CST9L: variants seen among roughly 807,000 people sequenced by gnomAD.
The protein encoded by CST9L is cystatin-9-like.
In CST9L, 17 loss-of-function variants were observed where a neutral mutation model predicts 13.2. The observed-to-expected ratio is 1.29, with a 90% CI of 0.88 to 1.93. The LOEUF is 1.93. Among genes scored for constraint, CST9L ranks in the 30% most tolerant of loss-of-function variants. The probability of loss-of-function intolerance (pLI) is 0.00; values close to 1 mark genes in which losing one functional copy is unlikely to be tolerated. For synonymous variants in CST9L, 78 were observed against 69.1 expected (o/e 1.13, Z -0.64); for missense variants, 170 against 170.5 (o/e 1.00, Z 0.02).
chr20:23,565,972 A>C lies in CST9L; in HGVS notation c.354+2T>G. On this transcript the variant is annotated splice_donor_variant, in intron 2 of 2. Coordinates refer to ENST00000376979, the MANE Select transcript of CST9L (RefSeq NM_080610.3). LOFTEE classifies it high-confidence loss of function. ...AGGAGGGAAGCTGGTGTCCTGTCTT[A>C]CATTGTTCAGCTCTGTGCTTTCTTG... 1 of 1,527,018 alleles carries C rather than the reference A, an allele frequency of 6.5e-7. No individual in the cohort carries two copies. Among genetic ancestry groups the C allele is most frequent in the Non-Finnish European group, 9.1e-7 (1 of 1,100,372 alleles). The allele number at this position is 1,527,018 out of a possible 1,614,324, so 94.6% of individuals were successfully genotyped here.
chr20:23,566,256 A>T (rs1989094746), intron 1 of CST9L, among the ~76,000 whole-genome samples, 169 bp from the exon 2 acceptor site: 1 of 152,226 alleles, frequency 6.6e-6, no homozygotes, highest in Non-Finnish European at 1.5e-5. Flanking sequence ...AGTTAAGAAC[A>T]AAAAGCGGAT....
rs549489094 is a variant in CST9L at position 23,568,397 on chromosome 20, G to A, written c.54C>T (p.Leu18=). 9 of 1,614,184 alleles carry A rather than the reference G, an allele frequency of 5.6e-6. No homozygotes were observed. Among genetic ancestry groups the A allele is most frequent in the South Asian group, 2.2e-5 (2 of 91,070 alleles). Reference sequence around the variant, plus strand: ...AGATCAGCAGGATCTGGGAGCCTAAGAGAAGCAGCAGCAGCGCCCAGGACA... The same window carrying A: ...AGATCAGCAGGATCTGGGAGCCTAAAAGAAGCAGCAGCAGCGCCCAGGACA... The part of the protein sequence containing the change: ...GGLSWALLLL[L]LGSQILLIYA... The change falls in exon 1 of 3, where the codon CTC becomes CTT. Residue 18 remains leucine, a synonymous_variant. Coordinates refer to ENST00000376979, the MANE Select transcript of CST9L (RefSeq NM_080610.3).
chr20:23,566,717 C>T (rs1426681887), intron 1 of CST9L, among the ~76,000 whole-genome samples: 2 of 151,920 alleles, frequency 1.3e-5, no homozygotes, highest in African/African-American at 4.8e-5. Flanking sequence ...AAACCCATCT[C>T]TACTAAAAAT....
At position 23,566,777 on chromosome 20, in the gene CST9L, G is replaced by A. The variant is rs148858668; in HGVS notation, c.241-690C>T. Among the ~76,000 whole-genome samples, 1,501 of 152,134 alleles carry A rather than the reference G, an allele frequency of 9.9e-3. 29 individuals are homozygous for A. The highest frequency in any genetic ancestry group is 0.035 in the African/African-American group (1,444 of 41,500). On this transcript the variant is annotated intron_variant, in intron 1 of 2. Coordinates refer to ENST00000376979, the MANE Select transcript of CST9L (RefSeq NM_080610.3). ...CAGGTGCTTGTAATCCCAGCTACTC[G>A]GGAGGGAGGCTGAGGCAGGAGAATT...
At position 23,568,266 on chromosome 20, in the gene CST9L, C is replaced by A. The variant is rs61743019; in HGVS notation, c.185G>T (p.Ser62Ile). ...EFAVHTFNQQ[S>I]KDYYAYRLGH... ...CAGTCTGTAGGCATAGTAGTCCTTGCTCTGTTGGTTGAATGTGTGGACAGC... is the reference window on the plus strand; with the variant it reads ...CAGTCTGTAGGCATAGTAGTCCTTGATCTGTTGGTTGAATGTGTGGACAGC... The change falls in exon 1 of 3, where the codon AGC becomes ATC. Residue 62 changes from serine to isoleucine, a missense_variant. Physicochemically the swap from Ser to Ile is moderately radical, Grantham distance 142. Coordinates refer to ENST00000376979, the MANE Select transcript of CST9L (RefSeq NM_080610.3). 2.9e-4 allele frequency: 463 copies of A among 1,614,168 alleles called. 3 individuals carry two copies. The African/African-American group carries it at 5.1e-3, about 18-fold the overall frequency.
chr20:23,566,042 T>G lies in CST9L; in HGVS notation c.286A>C (p.Thr96Pro), dbSNP rs773601205. The G allele has an allele frequency of 6.2e-7, 1 of 1,611,306 alleles. No homozygotes were observed. Among genetic ancestry groups the G allele is most frequent in the Non-Finnish European group, 8.5e-7 (1 of 1,177,424 alleles). ...VFSMELLLGR[T>P]RCGKFEDDID... ...TCGTCTTCAAATTTCCCACACCTAGTTCTCCCCAGCAGTAGCTCCATTGAG... is the reference window on the plus strand; with the variant it reads ...TCGTCTTCAAATTTCCCACACCTAGGTCTCCCCAGCAGTAGCTCCATTGAG... The change falls in exon 2 of 3, where the codon ACT (threonine) becomes CCT (proline). Residue 96 changes from threonine to proline, a missense_variant. By Grantham distance (38) the Thr-to-Pro change is conservative (BLOSUM62 -1). Transcript: ENST00000376979.
Position 23,568,250 on chromosome 20 carries a change from G to A in CST9L, c.201C>T (p.Ala67=), listed in dbSNP as rs774642821. 3 of 1,614,022 alleles carry A rather than the reference G, an allele frequency of 1.9e-6. No homozygotes were observed. The African/African-American group carries it at 4.0e-5, about 22-fold the overall frequency. ...TFNQQSKDYY[A]YRLGHILNSW... ...AATTCAAGATGTGCCCCAGTCTGTAGGCATAGTAGTCCTTGCTCTGTTGGT... is the reference window on the plus strand; with the variant it reads ...AATTCAAGATGTGCCCCAGTCTGTAAGCATAGTAGTCCTTGCTCTGTTGGT... Residue 67 remains alanine, a synonymous_variant, in exon 1 of 3, where the codon GCC becomes GCT. Coordinates refer to ENST00000376979, the MANE Select transcript of CST9L (RefSeq NM_080610.3).
chr20:23,565,879 C>G, intron 2 of CST9L, 95 bp downstream of exon 2: 1 of 797,918 alleles, frequency 1.3e-6, no homozygotes, highest in Non-Finnish European at 2.3e-6. Context: ...AGGCTCACTC[C>G]TCTAAGTCTC....
chr20:23,565,147 C>G, intron 2 of CST9L, 110 bp from the exon 3 acceptor site: 3 of 798,202 alleles, frequency 3.8e-6, no homozygotes, highest in Non-Finnish European at 6.6e-6. Context: ...CCAGGTCAAG[C>G]AGTGGGAAGA....
chr20:23,567,648 T>C (rs185439603), intron 1 of CST9L, among the ~76,000 whole-genome samples: 5 of 152,202 alleles, frequency 3.3e-5, no homozygotes, highest in Admixed American at 2.6e-4. Context: ...AGACCTGTGG[T>C]CTGAGGAAGA....
rs1249601083 is a variant in CST9L at position 23,564,938 on chromosome 20, T to G, written c.*10A>C. The G allele has an allele frequency of 6.3e-7, 1 of 1,592,764 alleles. No individual in the cohort carries two copies. Among genetic ancestry groups the G allele is most frequent in the Non-Finnish European group, 8.6e-7 (1 of 1,160,486 alleles). On this transcript the variant is annotated 3_prime_UTR_variant, in exon 3 of 3. Transcript: ENST00000376979. ...AGCAGCACATGGACAAGCCTGTGAG[T>G]GGGTTTCACTCAGTGGAATCCCTCC...
intron 2 of CST9L, 32 bp downstream of exon 2, chr20:23,565,942 T>A (rs1989087142): frequency 8.5e-7 from 1 of 1,175,000 alleles, no homozygotes. Flanking sequence ...TCCACAGCTG[T>A]ATCCAGGAGG....
In CST9L at chr20:23,568,251, G is replaced by C; in HGVS notation, c.200C>G (p.Ala67Gly). The C allele has an allele frequency of 5.6e-6, 9 of 1,614,098 alleles. No individual in the cohort carries two copies. The highest frequency in any genetic ancestry group is 7.6e-6 in the Non-Finnish European group (9 of 1,180,000). Residue 67 changes from alanine (A) to glycine (G), a missense_variant, in exon 1 of 3, where the codon GCC (alanine) becomes GGC (glycine). Physicochemically the swap from Ala to Gly is moderately conservative, Grantham distance 60. Coordinates refer to ENST00000376979, the MANE Select transcript of CST9L (RefSeq NM_080610.3). ...TFNQQSKDYYAYRLGHILNSW... is the reference protein window; with the variant it reads ...TFNQQSKDYYGYRLGHILNSW... ...ATTCAAGATGTGCCCCAGTCTGTAGGCATAGTAGTCCTTGCTCTGTTGGTT... is the reference window on the plus strand; with the variant it reads ...ATTCAAGATGTGCCCCAGTCTGTAGCCATAGTAGTCCTTGCTCTGTTGGTT...
chr20:23,564,963 C>A lies in CST9L; in HGVS notation c.429G>T (p.Leu143Phe). The A allele has an allele frequency of 6.2e-7, 1 of 1,613,024 alleles. No individual in the cohort carries two copies. The highest frequency in any genetic ancestry group is 8.5e-7 in the Non-Finnish European group (1 of 1,179,000). Reference sequence around the variant, plus strand: ...TGGGTTTCACTCAGTGGAATCCCTCCAAGCAGGTCTTGTTCAGGAGGCTGA... The same window carrying A: ...TGGGTTTCACTCAGTGGAATCCCTCAAAGCAGGTCTTGTTCAGGAGGCTGA... The part of the protein sequence containing the change: ...TQFSLLNKTC[L>F]EGFH Residue 143 changes from leucine to phenylalanine, a missense_variant, in exon 3 of 3, where the codon TTG becomes TTT. Coordinates refer to ENST00000376979, the MANE Select transcript of CST9L (RefSeq NM_080610.3).
At chr20:23,565,805 A>G (rs1309266523) in intron 2 of CST9L, among the ~76,000 whole-genome samples, 169 bp downstream of exon 2, 1 of 152,192 alleles carries the variant, frequency 6.6e-6, no homozygotes, top group Non-Finnish European at 1.5e-5. Context: ...GTGGACCCCT[A>G]GCTGCCTGCC....
In CST9L at chr20:23,564,814, A is replaced by G. The variant is rs1410732997; in HGVS notation, c.*134T>C. 1.1e-5 allele frequency: 8 copies of G among 701,728 alleles called. No homozygotes were observed. The highest frequency in any genetic ancestry group is 1.8e-5 in the Non-Finnish European group (7 of 382,214). 43.5% of individuals were successfully genotyped at this position (701,728 alleles called of 1,614,324 possible). A position where few individuals can be genotyped will look rare whatever the true frequency, so the allele number is the denominator to read the frequency against. On this transcript the variant is annotated 3_prime_UTR_variant, in exon 3 of 3. Transcript: ENST00000376979. ...GGATTTTCTAAAACACTGATCTGAGATCTCAAACACATGCAAAATAGGATA... is the reference window on the plus strand; with the variant it reads ...GGATTTTCTAAAACACTGATCTGAGGTCTCAAACACATGCAAAATAGGATA...
At position 23,567,205 on chromosome 20, in the gene CST9L, A is replaced by G. The variant is rs1243340291; in HGVS notation, c.240+1006T>C. 2.0e-5 allele frequency among the ~76,000 whole-genome samples: 3 copies of G among 152,112 alleles called. No homozygotes were observed. The East Asian group carries it at 5.9e-4, about 30-fold the overall frequency. ...GTAGGAAGAGCATTTTTGCCTCTCT[A>G]CCCAACTAGAAGTCCTCAACTTAGC... On this transcript the variant is annotated intron_variant, in intron 1 of 2. Coordinates refer to ENST00000376979, the MANE Select transcript of CST9L (RefSeq NM_080610.3).
At position 23,568,395 on chromosome 20, in the gene CST9L, AAG is replaced by A. The variant is rs1989129757; in HGVS notation, c.54_55del (p.Leu19ArgfsTer19). The A allele has an allele frequency of 6.2e-7, 1 of 1,614,086 alleles. No homozygotes were observed. The highest frequency in any genetic ancestry group is 1.7e-5 in the Admixed American group (1 of 60,010). On this transcript the variant is annotated frameshift_variant, in exon 1 of 3. Transcript: ENST00000376979. LOFTEE classifies it high-confidence loss of function. ...ATAGATCAGCAGGATCTGGGAGCCT[AAG>A]AGAAGCAGCAGCAGCGCCCAGGACA...
Position 23,568,274 on chromosome 20 carries a change from G to A in CST9L, c.177C>T (p.Asn59=). ...ATVEFAVHTF[N]QQSKDYYAYR... Reference sequence around the variant, plus strand: ...AGGCATAGTAGTCCTTGCTCTGTTGGTTGAATGTGTGGACAGCAAACTCCA... The same window carrying A: ...AGGCATAGTAGTCCTTGCTCTGTTGATTGAATGTGTGGACAGCAAACTCCA... Residue 59 remains asparagine (N), a synonymous_variant, in exon 1 of 3, where the codon AAC becomes AAT. Transcript: ENST00000376979. 1 of 1,614,114 alleles carries A rather than the reference G, an allele frequency of 6.2e-7. No homozygotes were observed. Among genetic ancestry groups the A allele is most frequent in the South Asian group, 1.1e-5 (1 of 91,072 alleles).
Sources: allele counts gnomAD v4.1 joint callset (sites outside exome capture counted in the v4.1 genomes callset), GRCh38; gene constraint gnomAD v4.1.1; transcripts MANE v1.5; gene names NCBI Gene and HGNC (gene_info 2026-07-23, HGNC 2026-07-21).